The following SAA2 variants were observed in gnomAD, a reference collection of about 807,000 sequenced individuals.
SAA2 encodes the protein serum amyloid A2.
SAA2 carries 5 observed loss-of-function variants against 9.1 expected under a neutral mutation model. The ratio of observed to expected loss-of-function variants is 0.55; its 90% CI spans 0.29 to 1.16. The LOEUF is 1.16. Ranked by LOEUF, SAA2 falls within the 50% of genes most tolerant of loss-of-function variation. The pLI, the probability that SAA2 is intolerant of heterozygous loss-of-function variation, is 0.09. For synonymous variants in SAA2, 49 were observed against 59.8 expected (o/e 0.82, Z 0.83); for missense variants, 94 against 153.8 (o/e 0.61, Z 2.06).
chr11:18,241,133 A>G (rs966135832), downstream of SAA2, among the ~76,000 whole-genome samples: 8 of 152,254 alleles, frequency 5.3e-5, no homozygotes, highest in Non-Finnish European at 1.2e-4. Context: ...ACTAATCATC[A>G]GAGTCACAAA....
downstream of SAA2, chr11:18,245,123 C>T (rs1857462740): frequency 1.4e-6 from 1 of 695,060 alleles, no homozygotes. Context: ...AGAATGTCTC[C>T]TCACATCCAA....
chr11:18,245,484 C>G lies in SAA2; in HGVS notation c.262G>C (p.Gly88Arg). 6.2e-7 allele frequency: 1 copy of G among 1,614,158 alleles called. No individual in the cohort carries two copies. Among genetic ancestry groups the G allele is most frequent in the Middle Eastern group, 1.7e-4 (1 of 6,058 alleles). Residue 88 changes from glycine to arginine, a missense_variant, in exon 4 of 4, where the codon GGC (glycine) becomes CGC (arginine). Coordinates refer to ENST00000256733, the MANE Select transcript of SAA2 (RefSeq NM_030754.5). ...GCCAGCGAGTCCTCCGCACCACGGC[C>G]TGTGAGTCTCTGGATATTCTCTCTG... ...NARENIQRLT[G>R]RGAEDSLADQ...
chr11:18,245,728 G>A (rs1445807967), intron 3 of SAA2, among the ~76,000 whole-genome samples, 182 bp downstream of exon 3: 1 of 152,190 alleles, frequency 6.6e-6, no homozygotes. Context: ...GGGGGAGGGG[G>A]AGGAATCACT....
At chr11:18,240,635 C>A (rs944979146), downstream of SAA2, among the ~76,000 whole-genome samples, 2 of 152,064 alleles carry the variant, frequency 1.3e-5, no homozygotes, top group Non-Finnish European at 2.9e-5. Context: ...GGAAATGATA[C>A]CTTATTCAAT....
chr11:18,238,982 GT>G (rs552662471), downstream of SAA2, among the ~76,000 whole-genome samples: 403 of 151,970 alleles, frequency 2.7e-3, 3 homozygotes, highest in Non-Finnish European at 4.6e-3. Flanking sequence ...CATCCTTGTT[GT>G]TGCAGCTTTC....
downstream of SAA2, chr11:18,242,421 G>A (rs1336824596): frequency 5.0e-6 from 1 of 201,626 alleles, no homozygotes; most frequent in Non-Finnish European, 9.9e-6. Flanking sequence ...ATTGGGTGAT[G>A]CCCAGTTGCA....
chr11:18,238,878 G>A (rs1857267766), downstream of SAA2, among the ~76,000 whole-genome samples: 1 of 138,990 alleles, frequency 7.2e-6, no homozygotes, highest in African/African-American at 2.7e-5. Context: ...GAATTCAATT[G>A]TTTTGATTTT....
chr11:18,239,558 G>A, exon 4 of SAA2: 1 of 398,776 alleles, frequency 2.5e-6, no homozygotes, highest in Non-Finnish European at 4.4e-6. Flanking sequence ...ACCTTCACGA[G>A]ATAGTCAATG....
In SAA2 at chr11:18,245,348, G is replaced by C. The variant is rs200282574; in HGVS notation, c.*29C>G. 2.5e-5 allele frequency: 41 copies of C among 1,613,296 alleles called. No homozygotes were observed. The East Asian group carries it at 6.5e-4, about 25-fold the overall frequency. ...CCTGCCCCGAGGGCCTCATAGCCAG[G>C]TCTCCTGAGAGCAGAGTGAAGAGGA... On this transcript the variant is annotated 3_prime_UTR_variant, in exon 4 of 4. Transcript: ENST00000256733.
chr11:18,240,432 T>C, downstream of SAA2: 1 of 623,786 alleles, frequency 1.6e-6, no homozygotes, highest in South Asian at 1.9e-5. Flanking sequence ...ATAATCAGCC[T>C]ACCAGGGTAC....
downstream of SAA2, chr11:18,242,504 C>T (rs554330693): frequency 2.6e-4 from 114 of 442,762 alleles, 1 homozygote; most frequent in South Asian, 4.2e-3. Flanking sequence ...TCACAGACGA[C>T]CCCAGAAACA....
Position 18,245,724 on chromosome 11 carries a change from G to C in SAA2, c.230+186C>G, listed in dbSNP as rs571862989. ...TGGATGAACAGCACCCAGAGGGGGAGGGGGAGGAATCACTCACTCCTACCA... is the reference window on the plus strand; with the variant it reads ...TGGATGAACAGCACCCAGAGGGGGACGGGGAGGAATCACTCACTCCTACCA... On this transcript the variant is annotated intron_variant, in intron 3 of 3. Transcript: ENST00000256733. Among the ~76,000 whole-genome samples, 171 of 152,312 alleles carry C rather than the reference G, an allele frequency of 1.1e-3. 1 individual carries two copies. Among genetic ancestry groups the C allele is most frequent in the African/African-American group, 3.7e-3 (155 of 41,566 alleles).
chr11:18,245,457 C>G lies in SAA2; in HGVS notation c.289G>C (p.Asp97His). 6.2e-7 allele frequency: 1 copy of G among 1,614,230 alleles called. No individual in the cohort carries two copies. The highest frequency in any genetic ancestry group is 8.5e-7 in the Non-Finnish European group (1 of 1,180,034). ...TGRGAEDSLA[D>H]QAANKWGRSG... is the part of the protein sequence containing the mutation. ...CTGCCCCATTTATTGGCAGCCTGAT[C>G]GGCCAGCGAGTCCTCCGCACCACGG... The change falls in exon 4 of 4, where the codon GAT becomes CAT. Residue 97 changes from aspartate to histidine, a missense_variant. By Grantham distance (81) the Asp-to-His change is moderately conservative. Around this residue, in one of 2 missense-constraint regions of SAA2, gnomAD observed 62 missense variants for 58.3 expected, o/e 1.06. Coordinates refer to ENST00000256733, the MANE Select transcript of SAA2 (RefSeq NM_030754.5).
downstream of SAA2, among the ~76,000 whole-genome samples, chr11:18,244,257 G>A (rs1857434278): frequency 6.6e-6 from 1 of 152,218 alleles, no homozygotes; most frequent in African/African-American, 2.4e-5. Context: ...TCACTCCAGA[G>A]CACTGCCACT....
At chr11:18,241,967 T>C (rs1255081466), downstream of SAA2, among the ~76,000 whole-genome samples, 1 of 152,160 alleles carries the variant, frequency 6.6e-6, no homozygotes, top group East Asian at 1.9e-4. Context: ...GGAAGCACAT[T>C]TCTGAACGTT....
chr11:18,244,639 T>C (rs1299518213), downstream of SAA2, among the ~76,000 whole-genome samples: 1 of 152,220 alleles, frequency 6.6e-6, no homozygotes, highest in Non-Finnish European at 1.5e-5. Flanking sequence ...ACAGTTCTTC[T>C]CTATCTGGCT....
chr11:18,240,942 G>T (rs576665136), downstream of SAA2, among the ~76,000 whole-genome samples: 2 of 152,162 alleles, frequency 1.3e-5, no homozygotes, highest in African/African-American at 4.8e-5. Flanking sequence ...ACCTAAGAAC[G>T]GGAGAAAATA....
chr11:18,239,932 C>T, exon 4 of SAA2: 1 of 1,549,752 alleles, frequency 6.5e-7, no homozygotes, highest in South Asian at 1.2e-5. Flanking sequence ...AGAAAAAAGG[C>T]TTCTTCCTTC....
downstream of SAA2, among the ~76,000 whole-genome samples, chr11:18,240,864 C>A (rs1857325626): frequency 6.6e-6 from 1 of 151,962 alleles, no homozygotes; most frequent in South Asian, 2.1e-4. Context: ...AATATATACA[C>A]AAGCAGGACT....
Sources: allele counts gnomAD v4.1 joint callset (sites outside exome capture counted in the v4.1 genomes callset), GRCh38; gene constraint gnomAD v4.1.1; regional missense constraint gnomAD v4.1.1; transcripts MANE v1.5; gene names NCBI Gene and HGNC (gene_info 2026-07-23, HGNC 2026-07-21).